Variants in TAFA2 observed in about 807,000 individuals in gnomAD.
TAFA2 encodes chemokine-like protein TAFA-2.
In TAFA2, 7 loss-of-function variants were observed where a neutral mutation model predicts 18.8. The observed-to-expected ratio is 0.37, with a 90% CI of 0.21 to 0.70. The LOEUF (loss-of-function observed/expected upper bound fraction) is 0.70. Ranked by LOEUF, TAFA2 falls within the 30% of genes least tolerant of loss-of-function variation. The pLI is 0.53. For synonymous variants in TAFA2, 60 were observed against 54.2 expected (o/e 1.11, Z -0.47); for missense variants, 122 against 158.1 (o/e 0.77, Z 1.23).
chr12:62,235,160 G>C, intron 1 of TAFA2: 1 of 666,442 alleles, frequency 1.5e-6, no homozygotes, highest in Non-Finnish European at 2.9e-6. Context: ...CTTGCTGAGG[G>C]GGAGACACTC....
intron 1 of TAFA2, among the ~76,000 whole-genome samples, chr12:62,157,400 A>G (rs937901399): frequency 6.6e-6 from 1 of 152,234 alleles, no homozygotes; most frequent in Non-Finnish European, 1.5e-5. Context: ...TTGAATACCA[A>G]AGCACACATG....
chr12:61,954,684 GATGC>G lies in TAFA2; in HGVS notation c.-1-87262_-1-87259del, dbSNP rs570106055. Among the ~76,000 whole-genome samples the G allele has an allele frequency of 5.3e-5, 8 of 152,180 alleles. No homozygotes were observed. In the South Asian group the frequency reaches 1.7e-3, roughly 32 times the overall value. ...ATCCTTCATGTAACTTTGTCCAAATGATGCTTAATTTTATTTTTGTGAGCTGCTT... is the reference window on the plus strand; with the variant it reads ...ATCCTTCATGTAACTTTGTCCAAATGTTAATTTTATTTTTGTGAGCTGCTT... On this transcript the variant is annotated intron_variant, in intron 1 of 4. Coordinates refer to ENST00000416284, the MANE Select transcript of TAFA2 (RefSeq NM_178539.5).
chr12:61,988,356 A>T (rs918244296), intron 1 of TAFA2, among the ~76,000 whole-genome samples: 1 of 152,186 alleles, frequency 6.6e-6, no homozygotes, highest in African/African-American at 2.4e-5. Flanking sequence ...CAAATTTTAT[A>T]ATATTAAAAT....
intron 1 of TAFA2, among the ~76,000 whole-genome samples, chr12:61,974,734 T>A (rs1191263036): frequency 6.6e-6 from 1 of 151,818 alleles, no homozygotes; most frequent in Non-Finnish European, 1.5e-5. Context: ...GGGACACTAC[T>A]ATTTAAATTA....
chr12:61,847,384 T>C (rs189127290), intron 2 of TAFA2, among the ~76,000 whole-genome samples: 1 of 152,256 alleles, frequency 6.6e-6, no homozygotes, highest in East Asian at 1.9e-4. Context: ...CAATACATAT[T>C]TGTTGAATGA....
At chr12:61,839,548 C>T (rs1293083846) in intron 2 of TAFA2, among the ~76,000 whole-genome samples, 1 of 152,042 alleles carries the variant, frequency 6.6e-6, no homozygotes, top group African/African-American at 2.4e-5. Flanking sequence ...GGTACATACA[C>T]ACGATGGAAT....
intron 1 of TAFA2, among the ~76,000 whole-genome samples, chr12:61,994,987 CCT>C (rs1880135819): frequency 6.6e-6 from 1 of 152,144 alleles, no homozygotes; most frequent in Admixed American, 6.5e-5. Flanking sequence ...GCAACTGCCC[CCT>C]AACTGTCTGC....
intron 1 of TAFA2, among the ~76,000 whole-genome samples, chr12:61,910,546 G>A (rs1196433364): frequency 6.6e-6 from 1 of 152,086 alleles, no homozygotes; most frequent in East Asian, 1.9e-4. Flanking sequence ...AGCACCTACT[G>A]GTCAGGGCTG....
intron 2 of TAFA2, among the ~76,000 whole-genome samples, chr12:61,818,969 C>A (rs939534426): frequency 6.6e-6 from 1 of 152,174 alleles, no homozygotes; most frequent in African/African-American, 2.4e-5. Flanking sequence ...CAAACACTTG[C>A]TTCTTCCATT....
At chr12:61,714,348 G>A (rs961768633) in intron 4 of TAFA2, among the ~76,000 whole-genome samples, 1 of 152,150 alleles carries the variant, frequency 6.6e-6, no homozygotes, top group African/African-American at 2.4e-5. Flanking sequence ...AAACTACTGG[G>A]CTGCTGAACA....
intron 1 of TAFA2, among the ~76,000 whole-genome samples, chr12:62,042,095 G>T (rs1170911704): frequency 6.6e-6 from 1 of 151,974 alleles, no homozygotes; most frequent in Non-Finnish European, 1.5e-5. Context: ...AAGTCTCAAA[G>T]AAGGCCGCCT....
chr12:62,206,709 C>T (rs1478421950), intron 1 of TAFA2, among the ~76,000 whole-genome samples: 1 of 152,078 alleles, frequency 6.6e-6, no homozygotes, highest in Non-Finnish European at 1.5e-5. Flanking sequence ...AACTTCTGGG[C>T]TCAAGTGGTC....
chr12:61,863,281 A>C (rs984219973), intron 2 of TAFA2, among the ~76,000 whole-genome samples: 4 of 152,320 alleles, frequency 2.6e-5, no homozygotes, highest in Middle Eastern at 3.4e-3. Context: ...GACCATGAGG[A>C]AGAAGACAGC....
intron 1 of TAFA2, among the ~76,000 whole-genome samples, chr12:62,072,956 T>C (rs1882670492): frequency 6.6e-6 from 1 of 152,206 alleles, no homozygotes; most frequent in Non-Finnish European, 1.5e-5. Flanking sequence ...TCTTAAATGA[T>C]AGGGGAAGCC....
intron 2 of TAFA2, among the ~76,000 whole-genome samples, chr12:61,828,821 G>C (rs1330323601): frequency 6.6e-6 from 1 of 151,574 alleles, no homozygotes; most frequent in East Asian, 1.9e-4. Flanking sequence ...TAAATTTAAC[G>C]AATCAAATTG....
At chr12:62,248,248 AG>A (rs1162658355) in intron 1 of TAFA2, among the ~76,000 whole-genome samples, 1 of 152,202 alleles carries the variant, frequency 6.6e-6, no homozygotes, top group Non-Finnish European at 1.5e-5. Flanking sequence ...GTGGGCCCTT[AG>A]TTTGAGCCAC....
intron 1 of TAFA2, among the ~76,000 whole-genome samples, chr12:62,168,792 G>A (rs1223421343): frequency 6.6e-6 from 1 of 152,030 alleles, no homozygotes; most frequent in Non-Finnish European, 1.5e-5. Context: ...AGTTATGATT[G>A]CACCACTGCA....
At chr12:62,167,759 C>T (rs934461965) in intron 1 of TAFA2, among the ~76,000 whole-genome samples, 1 of 152,090 alleles carries the variant, frequency 6.6e-6, no homozygotes, top group Non-Finnish European at 1.5e-5. Context: ...CTAAAAGGAG[C>T]CATGGCTTCT....
intron 1 of TAFA2, among the ~76,000 whole-genome samples, chr12:62,089,494 T>C (rs952931430): frequency 6.6e-6 from 1 of 152,014 alleles, no homozygotes; most frequent in African/African-American, 2.4e-5. Flanking sequence ...TGTCAGTTGA[T>C]AGCCCTAGGA....
Sources: allele counts gnomAD v4.1 joint callset (sites outside exome capture counted in the v4.1 genomes callset), GRCh38; gene constraint gnomAD v4.1.1; transcripts MANE v1.5; gene names NCBI Gene and HGNC (gene_info 2026-07-23, HGNC 2026-07-21).